Variants in CD4 observed in about 807,000 individuals in gnomAD.
The protein encoded by CD4 is CD4 molecule, also known as T-cell surface glycoprotein CD4.
Under a neutral mutation model 50.5 loss-of-function variants are expected in CD4, and 25 were observed. The ratio of observed to expected loss-of-function variants is 0.49; its 90% CI spans 0.36 to 0.69. CD4 has a LOEUF of 0.69. Among genes scored for constraint, CD4 ranks in the 30% least tolerant of loss-of-function variants. The probability of loss-of-function intolerance (pLI) is 0.00; values close to 1 mark genes in which losing one functional copy is unlikely to be tolerated. For synonymous variants in CD4, 207 were observed against 221.9 expected (o/e 0.93, Z 0.60); for missense variants, 456 against 548.5 (o/e 0.83, Z 1.68).
intron 1 of CD4, among the ~76,000 whole-genome samples, chr12:6,794,600 G>C (rs1375726423): frequency 6.6e-6 from 1 of 151,906 alleles, no homozygotes; most frequent in Non-Finnish European, 1.5e-5. Flanking sequence ...TCGTACTCCC[G>C]ACCTCAGGTG....
chr12:6,800,555 A>G (rs1477259622), intron 3 of CD4, 84 bp downstream of exon 3: 14 of 1,240,938 alleles, frequency 1.1e-5, no homozygotes, highest in Admixed American at 1.0e-4. Flanking sequence ...GTCTTAGTTA[A>G]ACTCTGGGAT....
intron 7 of CD4, among the ~76,000 whole-genome samples, chr12:6,817,755 ACACACACTACACACACATC>A (rs1188511657): frequency 1.8e-5 from 2 of 114,044 alleles, no homozygotes; most frequent in East Asian, 5.4e-4. Context: ...ACACACTCAT[ACACACACTACACACACATC>A]CACACTCACA....
chr12:6,817,818 C>T (rs868994421), intron 7 of CD4, among the ~76,000 whole-genome samples: 1 of 151,058 alleles, frequency 6.6e-6, no homozygotes, highest in Non-Finnish European at 1.5e-5. Flanking sequence ...CACACCCATG[C>T]ACTCACACAC....
rs1418383996 is a variant in CD4, at chr12:6,793,683, TCTATCTATCTATCTATCTATC to T, written c.-68+4022_-68+4042del. On this transcript the variant is annotated intron_variant, in intron 1 of 9. Transcript: ENST00000011653. Reference sequence around the variant, plus strand: ...ATCTATCTATCTATCTATCTATCTATCTATCTATCTATCTATCTATCTTTTTTTTTTTTGAGACAAAATCTC... The same window carrying T: ...ATCTATCTATCTATCTATCTATCTATTTTTTTTTTTTTGAGACAAAATCTC... Among the ~76,000 whole-genome samples, 484 of 99,410 alleles carry T rather than the reference TCTATCTATCTATCTATCTATC, an allele frequency of 4.9e-3. 1 individual carries two copies. Among genetic ancestry groups the T allele is most frequent in the Admixed American group, 7.7e-3 (80 of 10,436 alleles). 65.2% of individuals were successfully genotyped at this position (99,410 alleles called of 152,430 possible). A position where few individuals can be genotyped will look rare whatever the true frequency, so the allele number is the denominator to read the frequency against.
intron 3 of CD4, among the ~76,000 whole-genome samples, chr12:6,806,156 TAC>T (rs56979845): frequency 0.032 from 3,400 of 107,282 alleles, 67 homozygotes; most frequent in South Asian, 0.088. Flanking sequence ...AAAAGGTACA[TAC>T]ACACACACAC....
chr12:6,802,907 T>A (rs117212221), intron 3 of CD4, among the ~76,000 whole-genome samples: 17 of 152,014 alleles, frequency 1.1e-4, no homozygotes, highest in African/African-American at 3.1e-4. Flanking sequence ...CTAACTTTTT[T>A]ATTTTTTTAT....
At chr12:6,793,730 A>T (rs1942260923) in intron 1 of CD4, among the ~76,000 whole-genome samples, 1 of 138,828 alleles carries the variant, frequency 7.2e-6, no homozygotes. Context: ...ACAAAATCTC[A>T]CTCTGTCGCC....
Position 6,819,671 on chromosome 12 carries a change from TG to T in CD4, c.*343del, listed in dbSNP as rs1943219129. The T allele has an allele frequency of 2.9e-6, 1 of 342,416 alleles. No individual in the cohort carries two copies. The highest frequency in any genetic ancestry group is 2.1e-5 in the African/African-American group (1 of 46,966). The allele number at this position is 342,416 out of a possible 1,614,324, so 21.2% of individuals were successfully genotyped here. ...GGCTGGCATGGAGGGTGAGGCTGGGTGTCTGGAAGCATGGAGCATGGGACTG... is the reference window on the plus strand; with the variant it reads ...GGCTGGCATGGAGGGTGAGGCTGGGTTCTGGAAGCATGGAGCATGGGACTG... On this transcript the variant is annotated 3_prime_UTR_variant, in exon 10 of 10. Coordinates refer to ENST00000011653, the MANE Select transcript of CD4 (RefSeq NM_000616.5).
rs1943153443 is a variant in CD4, at chr12:6,818,166, C to T, written c.1157-255C>T. The stretch of plus-strand genomic sequence containing the variant: ...ATGCACACACTCACACATGCACACA[C>T]ACATGCACTCACACACACAGCCCAG... On this transcript the variant is annotated intron_variant, in intron 7 of 9. Coordinates refer to ENST00000011653, the MANE Select transcript of CD4 (RefSeq NM_000616.5). This position sits in a 1 kb window ranked among gnomAD's most constrained non-coding sequence, Gnocchi z 5.0. 6.6e-6 allele frequency among the ~76,000 whole-genome samples: 1 copy of T among 152,190 alleles called. No individual in the cohort carries two copies. Among genetic ancestry groups the T allele is most frequent in the Non-Finnish European group, 1.5e-5 (1 of 68,010 alleles).
intron 1 of CD4, among the ~76,000 whole-genome samples, chr12:6,794,787 T>G (rs1286863257): frequency 4.1e-4 from 43 of 104,370 alleles, no homozygotes; most frequent in Admixed American, 3.0e-3. Context: ...TTTTTTTTTG[T>G]TTTTTTTTTT....
intron 1 of CD4, among the ~76,000 whole-genome samples, chr12:6,797,049 T>C (rs1942394579): frequency 6.6e-6 from 1 of 152,170 alleles, no homozygotes; most frequent in Non-Finnish European, 1.5e-5. Context: ...ACCTGGAGAT[T>C]TGTGAAAACC....
chr12:6,793,734 T>C (rs1215614568), intron 1 of CD4, among the ~76,000 whole-genome samples: 1 of 149,278 alleles, frequency 6.7e-6, no homozygotes, highest in African/African-American at 2.5e-5. Flanking sequence ...AATCTCACTC[T>C]GTCGCCCAGG....
chr12:6,790,612 T>G (rs972509467), intron 1 of CD4, among the ~76,000 whole-genome samples: 15 of 152,138 alleles, frequency 9.9e-5, no homozygotes, highest in Non-Finnish European at 4.4e-5. Flanking sequence ...CCTGGCAGGG[T>G]GTGAGGGAGA....
In CD4 at chr12:6,818,592, C is replaced by T; in HGVS notation, c.1278+50C>T. 1 of 1,607,690 alleles carries T rather than the reference C, an allele frequency of 6.2e-7. No homozygotes were observed. The highest frequency in any genetic ancestry group is 8.5e-7 in the Non-Finnish European group (1 of 1,177,314). The stretch of plus-strand genomic sequence containing the variant: ...CACAAGGCCCTCAAACCCCTGAGTC[C>T]TCTACCAGGAGATCCTGTATATGGG... On this transcript the variant is annotated intron_variant, in intron 8 of 9. Coordinates refer to ENST00000011653, the MANE Select transcript of CD4 (RefSeq NM_000616.5). This position sits in a 1 kb window ranked among gnomAD's most constrained non-coding sequence, Gnocchi z 5.0.
At chr12:6,795,555 G>GGGTT (rs1402492052) in intron 1 of CD4, among the ~76,000 whole-genome samples, 4 of 152,312 alleles carry the variant, frequency 2.6e-5, no homozygotes, top group Admixed American at 2.0e-4. Context: ...TGTAGAAAGG[G>GGGTT]GGTTATTCAC....
At chr12:6,806,047 C>T (rs1330638810) in intron 3 of CD4, among the ~76,000 whole-genome samples, 1 of 151,524 alleles carries the variant, frequency 6.6e-6, no homozygotes, top group Non-Finnish European at 1.5e-5. Context: ...CGCTGTAATC[C>T]CAGCACGTTG....
Position 6,800,448 on chromosome 12 carries a change from A to C in CD4, c.191A>C (p.Asn64Thr). 1 of 1,613,810 alleles carries C rather than the reference A, an allele frequency of 6.2e-7. No homozygotes were observed. Among genetic ancestry groups the C allele is most frequent in the South Asian group, 1.1e-5 (1 of 91,036 alleles). The change falls in exon 3 of 10, where the codon AAT becomes ACT. Residue 64 changes from asparagine to threonine, a missense_variant. Asn to Thr is a moderately conservative substitution (Grantham distance 65). Coordinates refer to ENST00000011653, the MANE Select transcript of CD4 (RefSeq NM_000616.5). ...TCCAACCAGATAAAGATTCTGGGAA[A>C]TCAGGGCTCCTTCTTAACTAAAGGT... ...KNSNQIKILG[N>T]QGSFLTKGPS...
chr12:6,815,085 G>A, intron 5 of CD4, 93 bp downstream of exon 5: 1 of 888,700 alleles, frequency 1.1e-6, no homozygotes, highest in South Asian at 1.5e-5. Context: ...TGGTTCTGGT[G>A]CTGGGAGGTC....
chr12:6,791,599 G>C (rs1367378536), intron 1 of CD4, among the ~76,000 whole-genome samples: 2 of 152,182 alleles, frequency 1.3e-5, no homozygotes, highest in Non-Finnish European at 2.9e-5. Flanking sequence ...ACCTGTGATG[G>C]GCCGGGCGTG....
Sources: gnomAD v4.1 joint callset for allele counts (sites outside exome capture counted in the v4.1 genomes callset) on GRCh38, gnomAD v4.1.1 for gene constraint, Gnocchi (gnomAD v3.1) non-coding constraint, MANE v1.5 for transcripts, NCBI Gene and HGNC (gene_info 2026-07-23, HGNC 2026-07-21) for gene names.